Variants in ARID4B observed in about 807,000 individuals in gnomAD.
ARID4B encodes the protein AT-rich interaction domain 4B, also known as AT-rich interactive domain-containing protein 4B.
A neutral mutation model predicts 147.5 loss-of-function variants in ARID4B; 26 were observed. The ratio of observed to expected loss-of-function variants is 0.18; its 90% CI spans 0.13 to 0.24. The LOEUF (loss-of-function observed/expected upper bound fraction) is 0.24, where lower values mean the gene tolerates loss of function less well. Ranked by LOEUF, ARID4B falls within the 10% of genes least tolerant of loss-of-function variation. The probability of loss-of-function intolerance (pLI) is 1.00; values close to 1 mark genes in which losing one functional copy is unlikely to be tolerated. For missense variants in ARID4B, 1,179 were observed against 1,511.5 expected, an observed-to-expected ratio of 0.78 and a Z score of 3.65; for synonymous variants, 512 against 507.9, an observed-to-expected ratio of 1.01 and a Z score of -0.11.
intron 17 of ARID4B, among the ~76,000 whole-genome samples, chr1:235,210,888 C>T (rs1256745615): frequency 6.6e-6 from 1 of 152,184 alleles, no homozygotes; most frequent in Non-Finnish European, 1.5e-5. Flanking sequence ...ATTCTTTCTA[C>T]CATCTAAAAT....
At chr1:235,238,332 T>C (rs1039547480) in intron 8 of ARID4B, among the ~76,000 whole-genome samples, 1 of 152,146 alleles carries the variant, frequency 6.6e-6, no homozygotes, top group African/African-American at 2.4e-5. Flanking sequence ...TTGAATGTCA[T>C]TAACATAAGG....
chr1:235,167,131 A>C lies in ARID4B; in HGVS notation c.*1394T>G, dbSNP rs1663023346. ...CTGTAAGCACACACTACAAGACTGA[A>C]AATGCTTTTCTTAGAAAAGTTGAAT... is the stretch of plus-strand genomic sequence containing the variant. On this transcript the variant is annotated 3_prime_UTR_variant, in exon 24 of 24. Coordinates refer to ENST00000264183, the MANE Select transcript of ARID4B (RefSeq NM_016374.6). 1 of 195,436 alleles carries C rather than the reference A, an allele frequency of 5.1e-6. No homozygotes were observed. The highest frequency in any genetic ancestry group is 2.3e-5 in the African/African-American group (1 of 43,204). 12.1% of individuals were successfully genotyped at this position (195,436 alleles called of 1,614,324 possible).
intron 11 of ARID4B, chr1:235,228,802 C>A (rs993357485): frequency 3.1e-5 from 5 of 158,750 alleles, no homozygotes; most frequent in Non-Finnish European, 6.9e-5. Context: ...CCCACCACCA[C>A]CCCCGGCTAA....
chr1:235,233,163 T>G (rs1028483731), intron 9 of ARID4B, among the ~76,000 whole-genome samples: 12 of 152,118 alleles, frequency 7.9e-5, no homozygotes, highest in Non-Finnish European at 8.8e-5. Flanking sequence ...AGCTAACTTT[T>G]CAGACTGGGT....
intron 7 of ARID4B, among the ~76,000 whole-genome samples, chr1:235,242,815 T>C (rs1278567613): frequency 6.6e-6 from 1 of 152,168 alleles, no homozygotes; most frequent in East Asian, 1.9e-4. Flanking sequence ...AAGGTTCCTG[T>C]CTAAAATCAT....
chr1:235,197,556 G>T (rs1048309122), intron 17 of ARID4B, among the ~76,000 whole-genome samples: 25 of 152,162 alleles, frequency 1.6e-4, no homozygotes, highest in Non-Finnish European at 2.8e-4. Flanking sequence ...GCTGAGGGCC[G>T]TAATAAGAAT....
chr1:235,288,113 C>G (rs1451746623), intron 2 of ARID4B, among the ~76,000 whole-genome samples: 1 of 152,178 alleles, frequency 6.6e-6, no homozygotes, highest in Non-Finnish European at 1.5e-5. Context: ...TTCTCAAGAC[C>G]AGGCTGGCCA....
chr1:235,234,700 G>A (rs912527798), intron 8 of ARID4B, among the ~76,000 whole-genome samples: 3 of 151,114 alleles, frequency 2.0e-5, no homozygotes, highest in Non-Finnish European at 4.4e-5. Flanking sequence ...GGATAATCTA[G>A]AATTTTTGGC....
chr1:235,323,551 G>A (rs999064535), intron 2 of ARID4B, among the ~76,000 whole-genome samples: 17 of 152,094 alleles, frequency 1.1e-4, no homozygotes, highest in African/African-American at 3.1e-4. Context: ...TTGGGAGGCC[G>A]AGGCGGGCAG....
intron 2 of ARID4B, among the ~76,000 whole-genome samples, chr1:235,298,535 C>A (rs1031351936): frequency 2.0e-5 from 3 of 147,406 alleles, no homozygotes; most frequent in African/African-American, 7.4e-5. Context: ...TTATATATAT[C>A]CATATATATG....
chr1:235,208,849 G>A (rs1232303666), intron 17 of ARID4B, among the ~76,000 whole-genome samples: 1 of 152,052 alleles, frequency 6.6e-6, no homozygotes, highest in Non-Finnish European at 1.5e-5. Context: ...CTACTTTTAT[G>A]TATTTTTCTA....
At chr1:235,258,196 T>C (rs1193958786) in intron 3 of ARID4B, among the ~76,000 whole-genome samples, 1 of 152,060 alleles carries the variant, frequency 6.6e-6, no homozygotes, top group African/African-American at 2.4e-5. Flanking sequence ...CCAGGCATGG[T>C]GGCGCATGCC....
chr1:235,209,125 T>C (rs1451046638), intron 17 of ARID4B, among the ~76,000 whole-genome samples: 1 of 152,194 alleles, frequency 6.6e-6, no homozygotes, highest in Admixed American at 6.5e-5. Context: ...AACCTTTGTA[T>C]AACAAAAATC....
At chr1:235,252,574 G>A (rs1218025351) in intron 6 of ARID4B, among the ~76,000 whole-genome samples, 156 bp downstream of exon 6, 6 of 152,224 alleles carry the variant, frequency 3.9e-5, no homozygotes, top group South Asian at 2.1e-4. Context: ...CTCAAACACA[G>A]GGCCTTAAAC....
intron 17 of ARID4B, among the ~76,000 whole-genome samples, chr1:235,211,110 G>C (rs976821990): frequency 1.3e-5 from 2 of 152,166 alleles, no homozygotes; most frequent in Non-Finnish European, 2.9e-5. Flanking sequence ...GAGGCAGGTG[G>C]ATCACCTGAG....
At chr1:235,280,540 C>T (rs1213787496) in intron 2 of ARID4B, among the ~76,000 whole-genome samples, 1 of 152,276 alleles carries the variant, frequency 6.6e-6, no homozygotes, top group Non-Finnish European at 1.5e-5. Flanking sequence ...CCTCTCCGCT[C>T]CTCGCCACGC....
chr1:235,201,330 C>CTT (rs770314693), intron 17 of ARID4B, among the ~76,000 whole-genome samples: 1 of 145,514 alleles, frequency 6.9e-6, no homozygotes. Context: ...CGAGAATCTT[C>CTT]TTTTTTTTTT....
At chr1:235,186,701 C>G (rs940287975) in intron 19 of ARID4B, among the ~76,000 whole-genome samples, 1 of 151,476 alleles carries the variant, frequency 6.6e-6, no homozygotes, top group Admixed American at 6.6e-5. Context: ...CTGTGCCCAG[C>G]TCTACTGAAT....
At chr1:235,301,399 C>T (rs549983757) in intron 2 of ARID4B, among the ~76,000 whole-genome samples, 2 of 151,720 alleles carry the variant, frequency 1.3e-5, no homozygotes, top group African/African-American at 2.4e-5. Context: ...ATTAGCCAAG[C>T]GTGCTGGCAC....
Sources: gnomAD v4.1 joint callset for allele counts (sites outside exome capture counted in the v4.1 genomes callset) on GRCh38, gnomAD v4.1.1 for gene constraint, MANE v1.5 for transcripts, NCBI Gene and HGNC (gene_info 2026-07-23, HGNC 2026-07-21) for gene names.